The following SPSB2 variants were observed in gnomAD, a reference collection of about 807,000 sequenced individuals.
SPSB2 encodes the protein splA/ryanodine receptor domain and SOCS box containing 2.
In SPSB2, 25 loss-of-function variants were observed where a neutral mutation model predicts 19.2. That is an observed-to-expected ratio of 1.30 (90% CI 0.95 to 1.82). The LOEUF is 1.82. Among genes scored for constraint, SPSB2 ranks in the 40% most tolerant of loss-of-function variants. The pLI is 0.00. For synonymous variants in SPSB2, 153 were observed against 154.9 expected (o/e 0.99, Z 0.09); for missense variants, 413 against 344.9 (o/e 1.20, Z -1.56).
At chr12:6,871,626 G>A (rs966233240) in intron 2 of SPSB2, 3 of 462,140 alleles carry the variant, frequency 6.5e-6, no homozygotes, top group African/African-American at 2.0e-5. Flanking sequence ...AGGTGAGGAG[G>A]GATGGCCCTC....
intron 2 of SPSB2, 103 bp downstream of exon 2, chr12:6,872,135 C>G (rs782355804): frequency 4.3e-6 from 7 of 1,612,958 alleles, no homozygotes; most frequent in Non-Finnish European, 5.9e-6. Context: ...TTGAGGCAGG[C>G]TGGATGAAGG....
In SPSB2 at chr12:6,871,266, C is replaced by T. The variant is rs1219419432; in HGVS notation, c.718G>A (p.Gly240Arg). Residue 240 changes from glycine to arginine, a missense_variant, in exon 3 of 3, where the codon GGG becomes AGG. Gly to Arg is a moderately radical substitution (Grantham distance 125). Coordinates refer to ENST00000524270, the MANE Select transcript of SPSB2 (RefSeq NM_032641.4). ...GACACCTGGCCGAGCCGGGTATCCC[C>T]CAGGTTGTGGCGCACACACAGGCGG... ...LSRLCVRHNL[G>R]DTRLGQVSAL... 1 of 1,614,008 alleles carries T rather than the reference C, an allele frequency of 6.2e-7. No individual in the cohort carries two copies. The highest frequency in any genetic ancestry group is 8.5e-7 in the Non-Finnish European group (1 of 1,179,994).
At chr12:6,872,153 C>CGAT in intron 2 of SPSB2, 85 bp downstream of exon 2, 1 of 1,613,182 alleles carries the variant, frequency 6.2e-7, no homozygotes, top group Non-Finnish European at 8.5e-7. Context: ...AGGTCCATCC[C>CGAT]CTCTGCTCTT....
rs1555134070 is a variant in SPSB2 at position 6,872,689 on chromosome 12, C to A, written c.213G>T (p.Val71=). ...CCCGGGCCCCATCAGTGCTCTGGGC[C>A]ACGGGCCGCCGCTCAAAGTACAACC... ...EGGLYFERRP[V]AQSTDGARGK... is the part of the protein sequence containing the mutation. The change falls in exon 2 of 3, where the codon GTG becomes GTT. Residue 71 remains valine, a synonymous_variant. Coordinates refer to ENST00000524270, the MANE Select transcript of SPSB2 (RefSeq NM_032641.4). 6.2e-7 allele frequency: 1 copy of A among 1,612,650 alleles called. No homozygotes were observed. Among genetic ancestry groups the A allele is most frequent in the Admixed American group, 1.7e-5 (1 of 60,034 alleles).
Position 6,873,279 on chromosome 12 carries a change from GCCT to G in SPSB2, c.-133_-131del, listed in dbSNP as rs1428709877. 8 of 192,204 alleles carry G rather than the reference GCCT, an allele frequency of 4.2e-5. No homozygotes were observed. Among genetic ancestry groups the G allele is most frequent in the African/African-American group, 1.9e-4 (8 of 42,908 alleles). 11.9% of individuals were successfully genotyped at this position (192,204 alleles called of 1,614,324 possible). On this transcript the variant is annotated 5_prime_UTR_variant, in exon 1 of 3. Coordinates refer to ENST00000524270, the MANE Select transcript of SPSB2 (RefSeq NM_032641.4). ...ACTTCCCAGCCCTGGAGGTCGCCGGGCCTCTGAAGGAGCCGGGCGGAAAGAAGC... is the reference window on the plus strand; with the variant it reads ...ACTTCCCAGCCCTGGAGGTCGCCGGGCTGAAGGAGCCGGGCGGAAAGAAGC...
intron 2 of SPSB2, 104 bp downstream of exon 2, chr12:6,872,134 G>A (rs782074887): frequency 2.0e-5 from 32 of 1,612,856 alleles, no homozygotes; most frequent in African/African-American, 2.7e-5. Context: ...GTTGAGGCAG[G>A]CTGGATGAAG....
Position 6,872,456 on chromosome 12 carries a change from G to A in SPSB2, c.446C>T (p.Ala149Val), listed in dbSNP as rs782617405. The A allele has an allele frequency of 5.0e-6, 8 of 1,613,946 alleles. No homozygotes were observed. In the African/African-American group the frequency reaches 6.7e-5, roughly 13 times the overall value. ...KLYHQSKGPG[A>V]PQYPAGTQGE... ...CTGAGTTCCCGCTGGATACTGGGGG[G>A]CTCCGGGCCCCTTGCTCTGATGGTA... Residue 149 changes from alanine (A) to valine (V), a missense_variant, in exon 2 of 3, where the codon GCC (alanine) becomes GTC (valine). Transcript: ENST00000524270.
chr12:6,872,262 T>C lies in SPSB2; in HGVS notation c.640A>G (p.Ile214Val). 1 of 1,614,144 alleles carries C rather than the reference T, an allele frequency of 6.2e-7. No individual in the cohort carries two copies. Residue 214 changes from isoleucine to valine, a missense_variant, in exon 2 of 3, where the codon ATC becomes GTC. By Grantham distance (29) the Ile-to-Val change is conservative. Transcript: ENST00000524270. ...CCTCTCCTTTCGCCCAGGTAGCGGA[T>C]GCGGACCTGGCACTGGCCCCAGACA... ...SAVWGQCQVR[I>V]RYLGERRAEP...
chr12:6,872,809 C>G lies in SPSB2; in HGVS notation c.93G>C (p.Glu31Asp). The G allele has an allele frequency of 6.2e-7, 1 of 1,612,056 alleles. No homozygotes were observed. The highest frequency in any genetic ancestry group is 2.2e-5 in the East Asian group (1 of 44,882). Residue 31 changes from glutamate to aspartate, a missense_variant, in exon 2 of 3, where the codon GAG becomes GAC. Glu to Asp is a conservative substitution (Grantham distance 45). Transcript: ENST00000524270. ...GGTCAGGAGGGGGTGCAGACAGCAGCTCTTCCAAGCCCTCGGGACAGGAGA... is the reference window on the plus strand; with the variant it reads ...GGTCAGGAGGGGGTGCAGACAGCAGGTCTTCCAAGCCCTCGGGACAGGAGA... Reference protein sequence around the residue: ...PDLSCPEGLEELLSAPPPDLG... With the variant: ...PDLSCPEGLEDLLSAPPPDLG...
intron 2 of SPSB2, chr12:6,871,886 T>C: frequency 2.0e-6 from 2 of 984,910 alleles, no homozygotes; most frequent in Non-Finnish European, 2.8e-6. Flanking sequence ...TGCCCATCCT[T>C]CTTTTGGACC....
At chr12:6,873,225 C>T (rs1221704160) in intron 1 of SPSB2, 21 bp downstream of exon 1, 4 of 256,872 alleles carry the variant, frequency 1.6e-5, no homozygotes, top group Non-Finnish European at 3.0e-5. Context: ...TCGCCCGGAG[C>T]CCTCGCCGCT....
chr12:6,873,211 T>G, intron 1 of SPSB2, 35 bp downstream of exon 1: 2 of 286,764 alleles, frequency 7.0e-6, no homozygotes, highest in Admixed American at 5.0e-5. Context: ...ACCATCCCCC[T>G]TACTCGCCCG....
Position 6,872,460 on chromosome 12 carries a change from C to T in SPSB2, c.442G>A (p.Gly148Arg), listed in dbSNP as rs1555133848. The change falls in exon 2 of 3, where the codon GGA becomes AGA. Residue 148 changes from glycine to arginine, a missense_variant. Coordinates refer to ENST00000524270, the MANE Select transcript of SPSB2 (RefSeq NM_032641.4). ...GTTCCCGCTGGATACTGGGGGGCTC[C>T]GGGCCCCTTGCTCTGATGGTACAGC... is the stretch of plus-strand genomic sequence containing the variant. ...GKLYHQSKGP[G>R]APQYPAGTQG... 1.2e-6 allele frequency: 2 copies of T among 1,614,050 alleles called. No homozygotes were observed. Among genetic ancestry groups the T allele is most frequent in the Non-Finnish European group, 1.7e-6 (2 of 1,180,010 alleles).
In SPSB2 at chr12:6,872,685, G is replaced by A; in HGVS notation, c.217C>T (p.Gln73Ter). 2 of 1,612,596 alleles carry A rather than the reference G, an allele frequency of 1.2e-6. No individual in the cohort carries two copies. The highest frequency in any genetic ancestry group is 1.1e-5 in the South Asian group (1 of 91,088). ...TTACCCCGGGCCCCATCAGTGCTCT[G>A]GGCCACGGGCCGCCGCTCAAAGTAC... ...GLYFERRPVA[Q>*]STDGARGKRG... The change falls in exon 2 of 3, where the codon CAG (glutamine) becomes TAG (stop). Residue 73 changes from glutamine (Q) to a stop codon, truncating the protein, a stop_gained. Coordinates refer to ENST00000524270, the MANE Select transcript of SPSB2 (RefSeq NM_032641.4). LOFTEE classifies it high-confidence loss of function.
In SPSB2 at chr12:6,872,290, G is replaced by C. The variant is rs1555133701; in HGVS notation, c.612C>G (p.Ser204Arg). ...GGACCTGGCACTGGCCCCAGACAGC[G>C]CTTACTGCCGGATAGAGGGTCCTGC... ...LKGRTLYPAV[S>R]AVWGQCQVRI... The change falls in exon 2 of 3, where the codon AGC (serine) becomes AGG (arginine). Residue 204 changes from serine (S) to arginine (R), a missense_variant. Coordinates refer to ENST00000524270, the MANE Select transcript of SPSB2 (RefSeq NM_032641.4). 4.3e-6 allele frequency: 7 copies of C among 1,614,060 alleles called. No individual in the cohort carries two copies. The Admixed American group carries it at 1.2e-4, about 27-fold the overall frequency.
At position 6,872,928 on chromosome 12, in the gene SPSB2, G is replaced by A. The variant is rs781828555; in HGVS notation, c.-27C>T. ...GAGGTGAGGAGCTAGAGGACTCCCC[G>A]AAAGAGGCTTGCTGGGGCGTCTTTC... On this transcript the variant is annotated 5_prime_UTR_variant, in exon 2 of 3. Coordinates refer to ENST00000524270, the MANE Select transcript of SPSB2 (RefSeq NM_032641.4). 2.7e-6 allele frequency: 4 copies of A among 1,477,470 alleles called. No homozygotes were observed. The highest frequency in any genetic ancestry group is 2.2e-5 in the Admixed American group (1 of 45,432). The allele number at this position is 1,477,470 out of a possible 1,614,324, so 91.5% of individuals were successfully genotyped here.
In SPSB2 at chr12:6,872,996, A is replaced by G; in HGVS notation, c.-95T>C. 1 of 866,636 alleles carries G rather than the reference A, an allele frequency of 1.2e-6. No individual in the cohort carries two copies. The highest frequency in any genetic ancestry group is 1.8e-6 in the Non-Finnish European group (1 of 568,708). 53.7% of individuals were successfully genotyped at this position (866,636 alleles called of 1,614,324 possible). On this transcript the variant is annotated splice_region_variant and 5_prime_UTR_variant, in exon 2 of 3. Transcript: ENST00000524270. Reference sequence around the variant, plus strand: ...TCCAGTTTGGATTGACCTGGAAGGGAGCTGGGAGAAAAGGGGCGTGAAGAG... The same window carrying G: ...TCCAGTTTGGATTGACCTGGAAGGGGGCTGGGAGAAAAGGGGCGTGAAGAG...
Position 6,872,799 on chromosome 12 carries a change from CA to C in SPSB2, c.102del (p.Ala35HisfsTer63), listed in dbSNP as rs1944626240. ...TGGGCCCCCAGGTCAGGAGGGGGTG[CA>C]GACAGCAGCTCTTCCAAGCCCTCGG... is the stretch of plus-strand genomic sequence containing the variant. ...SCPEGLEELL[S>X]APPPDLGAQR... On this transcript the variant is annotated frameshift_variant, in exon 2 of 3. Coordinates refer to ENST00000524270, the MANE Select transcript of SPSB2 (RefSeq NM_032641.4). LOFTEE classifies it high-confidence loss of function. The C allele has an allele frequency of 1.5e-5, 24 of 1,612,006 alleles. No individual in the cohort carries two copies. The South Asian group carries it at 1.6e-4, about 11-fold the overall frequency.
intron 2 of SPSB2, 197 bp from the exon 3 acceptor site, chr12:6,871,516 G>A (rs1390998812): frequency 3.1e-6 from 2 of 642,028 alleles, no homozygotes; most frequent in African/African-American, 1.8e-5. Context: ...AGCTGGGGGT[G>A]AAGAGCTGGC....
Sources: gnomAD v4.1 joint callset for allele counts on GRCh38, gnomAD v4.1.1 for gene constraint, MANE v1.5 for transcripts, NCBI Gene and HGNC (gene_info 2026-07-23, HGNC 2026-07-21) for gene names.